Variants in EPB41L4A observed in about 807,000 individuals in gnomAD.
EPB41L4A encodes the protein band 4.1-like protein 4A.
Under a neutral mutation model 108.6 loss-of-function variants are expected in EPB41L4A, and 100 were observed. That is an observed-to-expected ratio of 0.92 (90% CI 0.78 to 1.09). EPB41L4A has a LOEUF of 1.09. Among genes scored for constraint, EPB41L4A ranks in the 50% least tolerant of loss-of-function variants. The pLI, the probability that EPB41L4A is intolerant of heterozygous loss-of-function variation, is 0.00. For synonymous variants in EPB41L4A, 319 were observed against 289.0 expected, an observed-to-expected ratio of 1.10 and a Z score of -1.05; for missense variants, 1,030 against 842.7, an observed-to-expected ratio of 1.22 and a Z score of -2.75.
intron 1 of EPB41L4A, among the ~76,000 whole-genome samples, chr5:112,343,542 T>A (rs923680259): frequency 6.6e-5 from 10 of 151,904 alleles, no homozygotes; most frequent in African/African-American, 1.9e-4. Context: ...CTGTTGTTGG[T>A]GTTGCCATCA....
chr5:112,292,417 C>G (rs949748081), intron 2 of EPB41L4A, among the ~76,000 whole-genome samples: 4 of 152,144 alleles, frequency 2.6e-5, no homozygotes, highest in Non-Finnish European at 5.9e-5. Context: ...AGATCATCAG[C>G]TTTTAAAGGC....
rs368662653 is a variant in EPB41L4A, at chr5:112,239,783, G to C, written c.888-46C>G. 384 of 1,303,658 alleles carry C rather than the reference G, an allele frequency of 2.9e-4. 1 individual carries two copies. The African/African-American group carries it at 5.0e-3, about 17-fold the overall frequency. The allele number at this position is 1,303,658 out of a possible 1,614,324, so 80.8% of individuals were successfully genotyped here. A position where few individuals can be genotyped will look rare whatever the true frequency, so the allele number is the denominator to read the frequency against. ...AATCAGACAAAGACTCAATGTTATA[G>C]GCATTCTGGGCCACCCCCTTCTCCT... On this transcript the variant is annotated intron_variant, in intron 10 of 22. Transcript: ENST00000261486.
At chr5:112,310,734 G>A (rs906146693) in intron 1 of EPB41L4A, among the ~76,000 whole-genome samples, 4 of 151,894 alleles carry the variant, frequency 2.6e-5, no homozygotes, top group African/African-American at 9.7e-5. Context: ...AGTCCTTTTT[G>A]TTCTGGGTAC....
chr5:112,377,092 CTCCTCAGGAGGCTGAGAT>C (rs1245606972), intron 1 of EPB41L4A, among the ~76,000 whole-genome samples: 2 of 151,870 alleles, frequency 1.3e-5, no homozygotes, highest in African/African-American at 4.8e-5. Flanking sequence ...GTGGTCCCAG[CTCCTCAGGAGGCTGAGAT>C]GAGAAGATCA....
At chr5:112,301,111 T>A (rs1419448880) in intron 2 of EPB41L4A, among the ~76,000 whole-genome samples, 1 of 152,166 alleles carries the variant, frequency 6.6e-6, no homozygotes, top group East Asian at 1.9e-4. Flanking sequence ...GCCTCCTTAA[T>A]TGGTTTAATA....
At chr5:112,321,934 C>G (rs190454937) in intron 1 of EPB41L4A, among the ~76,000 whole-genome samples, 2 of 152,218 alleles carry the variant, frequency 1.3e-5, no homozygotes, top group Admixed American at 1.3e-4. Context: ...TTTCTTTAAC[C>G]TGGGGGAAAT....
intron 15 of EPB41L4A, among the ~76,000 whole-genome samples, chr5:112,203,894 C>T (rs1218998519): frequency 6.6e-6 from 1 of 151,936 alleles, no homozygotes; most frequent in Non-Finnish European, 1.5e-5. Context: ...AAAAAATCAG[C>T]CGGGCGTGGC....
intron 1 of EPB41L4A, among the ~76,000 whole-genome samples, chr5:112,406,047 T>C (rs949590782): frequency 1.3e-5 from 2 of 152,154 alleles, no homozygotes; most frequent in African/African-American, 2.4e-5. Flanking sequence ...ACTCAAAACA[T>C]ATTTATCTTC....
At chr5:112,234,796 A>G in intron 11 of EPB41L4A, 41 bp from the exon 12 acceptor site, 2 of 1,582,476 alleles carry the variant, frequency 1.3e-6, no homozygotes, top group Non-Finnish European at 1.7e-6. Context: ...GTAAAACCAC[A>G]CAGCCACAAA....
intron 18 of EPB41L4A, among the ~76,000 whole-genome samples, chr5:112,171,994 G>A (rs1029884276): frequency 3.9e-5 from 6 of 152,152 alleles, no homozygotes; most frequent in African/African-American, 7.2e-5. Context: ...GCACCACTAC[G>A]GTATTCTGGT....
intron 1 of EPB41L4A, among the ~76,000 whole-genome samples, chr5:112,396,013 AC>A (rs1289009474): frequency 6.6e-6 from 1 of 152,086 alleles, no homozygotes; most frequent in African/African-American, 2.4e-5. Flanking sequence ...AAAACCAAAC[AC>A]CACATGTTCT....
intron 19 of EPB41L4A, 37 bp downstream of exon 19, chr5:112,170,908 G>GCATTAAAACTACAT (rs1239651689): frequency 6.4e-7 from 1 of 1,571,478 alleles, no homozygotes; most frequent in East Asian, 2.2e-5. Flanking sequence ...AAAACTACAT[G>GCATTAAAACTACAT]GGTTTTAAAA....
chr5:112,411,799 G>C (rs970448089), intron 1 of EPB41L4A, among the ~76,000 whole-genome samples: 3 of 152,194 alleles, frequency 2.0e-5, no homozygotes, highest in African/African-American at 7.2e-5. Context: ...GGAGCAGCGA[G>C]GATGGCAGAG....
chr5:112,187,335 G>C (rs2150244302), intron 17 of EPB41L4A, among the ~76,000 whole-genome samples: 1 of 152,300 alleles, frequency 6.6e-6, no homozygotes, highest in South Asian at 2.1e-4. Context: ...GTCAACAACT[G>C]TGGTAGGAAG....
chr5:112,146,733 C>A (rs1399714671), intron 12 of EPB41L4A, among the ~76,000 whole-genome samples: 1 of 152,164 alleles, frequency 6.6e-6, no homozygotes, highest in Non-Finnish European at 1.5e-5. Flanking sequence ...AATAATTTAA[C>A]CCTCGTTGCT....
At chr5:112,333,699 C>T (rs1387391716) in intron 1 of EPB41L4A, among the ~76,000 whole-genome samples, 1 of 152,152 alleles carries the variant, frequency 6.6e-6, no homozygotes, top group Non-Finnish European at 1.5e-5. Flanking sequence ...AGATCTAATG[C>T]CACTTTTCCA....
intron 8 of EPB41L4A, 53 bp downstream of exon 8, chr5:112,259,838 G>A: frequency 7.8e-7 from 1 of 1,281,316 alleles, no homozygotes; most frequent in Non-Finnish European, 1.1e-6. Context: ...TGACACAGGA[G>A]TCCCATAAGC....
chr5:112,225,054 T>A lies in EPB41L4A; in HGVS notation c.1087+9580A>T, dbSNP rs566677487. ...ATAGATGTGAGAGCTATTATTATGT[T>A]ACTGTCTTTTCCCAGTTTCTTTACC... On this transcript the variant is annotated intron_variant, in intron 12 of 22. Coordinates refer to ENST00000261486, the MANE Select transcript of EPB41L4A (RefSeq NM_022140.5). Among the ~76,000 whole-genome samples the A allele has an allele frequency of 3.9e-5, 6 of 152,392 alleles. No homozygotes were observed. In the East Asian group the frequency reaches 1.2e-3, roughly 29 times the overall value.
chr5:112,345,735 T>C (rs1757602248), intron 1 of EPB41L4A, among the ~76,000 whole-genome samples: 1 of 150,750 alleles, frequency 6.6e-6, no homozygotes, highest in South Asian at 2.1e-4. Flanking sequence ...TTGTAGGATG[T>C]GCACAATGCT....
Sources: allele counts gnomAD v4.1 joint callset (sites outside exome capture counted in the v4.1 genomes callset), GRCh38; gene constraint gnomAD v4.1.1; transcripts MANE v1.5; gene names NCBI Gene and HGNC (gene_info 2026-07-23, HGNC 2026-07-21).